Variants in SMCO2 observed in about 807,000 individuals in gnomAD.
SMCO2 encodes the protein single-pass membrane protein with coiled-coil domains 2.
Under a neutral mutation model 29.5 loss-of-function variants are expected in SMCO2, and 25 were observed. The observed-to-expected ratio is 0.85, with a 90% CI of 0.62 to 1.18. The LOEUF is 1.18. SMCO2 is among the 50% of genes most tolerant of loss of function. The pLI is 0.00. For synonymous variants in SMCO2, 117 were observed against 123.3 expected, an observed-to-expected ratio of 0.95 and a Z score of 0.34; for missense variants, 348 against 344.5, an observed-to-expected ratio of 1.01 and a Z score of -0.08.
At chr12:27,478,621 C>T (rs1949611900) in intron 4 of SMCO2, among the ~76,000 whole-genome samples, 1 of 152,022 alleles carries the variant, frequency 6.6e-6, no homozygotes, top group Non-Finnish European at 1.5e-5. Flanking sequence ...ATGGCGGCAG[C>T]TGTAGGCTGG....
the SMCO2 span, among the ~76,000 whole-genome samples, chr12:27,427,955 G>A: frequency 2.0e-5 from 3 of 152,110 alleles, no homozygotes; most frequent in African/African-American, 4.8e-5. Context: ...CTGATTGGTC[G>A]GGTTAAGGAT....
At chr12:27,488,853 G>C (rs957664650) in intron 5 of SMCO2, among the ~76,000 whole-genome samples, 5 of 152,044 alleles carry the variant, frequency 3.3e-5, no homozygotes, top group Non-Finnish European at 5.9e-5. Flanking sequence ...GCACCTAACG[G>C]TACAGAGAAT....
At chr12:27,483,157 C>T (rs541042383) in intron 4 of SMCO2, among the ~76,000 whole-genome samples, 1 of 152,142 alleles carries the variant, frequency 6.6e-6, no homozygotes, top group African/African-American at 2.4e-5. Context: ...CTACAAATAT[C>T]AATCAGGTCA....
intron 7 of SMCO2, among the ~76,000 whole-genome samples, chr12:27,496,473 A>T (rs1276552608): frequency 6.6e-6 from 1 of 150,532 alleles, no homozygotes; most frequent in Non-Finnish European, 1.5e-5. Context: ...CTCCACTCTT[A>T]TCAGTTATGT....
the SMCO2 span, among the ~76,000 whole-genome samples, chr12:27,444,840 A>G: frequency 5.9e-5 from 9 of 152,342 alleles, no homozygotes; most frequent in Admixed American, 4.6e-4. Flanking sequence ...TCCTGGGTAT[A>G]TATGTGAAAG....
At chr12:27,435,588 C>T in the SMCO2 span, among the ~76,000 whole-genome samples, 33 of 150,440 alleles carry the variant, frequency 2.2e-4, no homozygotes, top group Non-Finnish European at 2.1e-4. Context: ...CTGTCTCTCT[C>T]TCTCTTTCTC....
intron 4 of SMCO2, among the ~76,000 whole-genome samples, chr12:27,477,104 C>T (rs551747278): frequency 6.6e-6 from 1 of 150,468 alleles, no homozygotes; most frequent in African/African-American, 2.4e-5. Flanking sequence ...TTAAGCATTT[C>T]TTGTGGTGAT....
chr12:27,461,042 T>G, the SMCO2 span, among the ~76,000 whole-genome samples: 1 of 152,202 alleles, frequency 6.6e-6, no homozygotes, highest in South Asian at 2.1e-4. Flanking sequence ...TCCTCCTTTC[T>G]GAAATCCAGA....
the SMCO2 span, among the ~76,000 whole-genome samples, chr12:27,456,598 A>G: frequency 6.6e-6 from 1 of 152,194 alleles, no homozygotes; most frequent in Non-Finnish European, 1.5e-5. Flanking sequence ...TGTGGTTTTT[A>G]ACAATTATTT....
At chr12:27,491,450 T>C (rs1949734517) in intron 5 of SMCO2, among the ~76,000 whole-genome samples, 1 of 152,152 alleles carries the variant, frequency 6.6e-6, no homozygotes, top group South Asian at 2.1e-4. Context: ...ACTCTGTAAA[T>C]AAACTAGGAT....
chr12:27,473,381 TTGTC>T (rs1949557954), intron 3 of SMCO2, among the ~76,000 whole-genome samples: 1 of 152,102 alleles, frequency 6.6e-6, no homozygotes, highest in South Asian at 2.1e-4. Context: ...GGTCTTCTCT[TTGTC>T]TGTCTTCTCC....
At position 27,495,558 on chromosome 12, in the gene SMCO2, A is replaced by G. The variant is rs1006361954; in HGVS notation, c.508-122A>G. On this transcript the variant is annotated intron_variant, in intron 6 of 7. Transcript: ENST00000298876. ...TGCCAATGATCTGTTCATGGGACCT[A>G]TGTGTGATTTCTAATGTGGGCCCCC... 4 of 820,864 alleles carry G rather than the reference A, an allele frequency of 4.9e-6. 1 individual carries two copies. The highest frequency in any genetic ancestry group is 3.5e-6 in the Non-Finnish European group (2 of 566,312). The allele number at this position is 820,864 out of a possible 1,614,324, so 50.8% of individuals were successfully genotyped here. A position where few individuals can be genotyped will look rare whatever the true frequency, so the allele number is the denominator to read the frequency against.
chr12:27,494,947 T>G (rs930981643), intron 6 of SMCO2, among the ~76,000 whole-genome samples: 1 of 152,028 alleles, frequency 6.6e-6, no homozygotes, highest in African/African-American at 2.4e-5. Context: ...GGTCTACATA[T>G]TACCCATTCT....
chr12:27,492,304 AT>A (rs1005241844), intron 5 of SMCO2, among the ~76,000 whole-genome samples: 1 of 152,058 alleles, frequency 6.6e-6, no homozygotes, highest in African/African-American at 2.4e-5. Flanking sequence ...TATGAATTTT[AT>A]TTTGTTGGAT....
chr12:27,470,680 A>G, exon 2 of SMCO2: 1 of 1,551,310 alleles, frequency 6.4e-7, no homozygotes, highest in East Asian at 2.4e-5. Flanking sequence ...TCTGCAGATG[A>G]AGATGGACTG....
intron 4 of SMCO2, among the ~76,000 whole-genome samples, chr12:27,478,651 C>T (rs183950234): frequency 8.0e-4 from 121 of 152,178 alleles, no homozygotes; most frequent in African/African-American, 2.8e-3. Flanking sequence ...TCCCTAAGCC[C>T]CCAGGAAACA....
At chr12:27,500,497 T>G (rs1404844479) in intron 7 of SMCO2, among the ~76,000 whole-genome samples, 1 of 125,600 alleles carries the variant, frequency 8.0e-6, no homozygotes, top group East Asian at 3.7e-4. Context: ...CAAATTATCT[T>G]TGCTTTAGAA....
the SMCO2 span, among the ~76,000 whole-genome samples, chr12:27,437,554 A>ATTT: frequency 6.6e-6 from 1 of 152,088 alleles, no homozygotes; most frequent in East Asian, 1.9e-4. Context: ...CGTAGATTTC[A>ATTT]TTTAGTTTGA....
In SMCO2 at chr12:27,475,028, A is replaced by C. The variant is rs540244713; in HGVS notation, c.362+115A>C. Reference sequence around the variant, plus strand: ...GATTTAAAATCCATACATGTCTTGAACCATAAAGCAGTCCTGTGCATAGGT... The same window carrying C: ...GATTTAAAATCCATACATGTCTTGACCCATAAAGCAGTCCTGTGCATAGGT... On this transcript the variant is annotated intron_variant, in intron 4 of 7. Coordinates refer to ENST00000298876, the Ensembl canonical transcript of SMCO2. 1.2e-5 allele frequency: 15 copies of C among 1,295,016 alleles called. No homozygotes were observed. In the African/African-American group the frequency reaches 2.1e-4, roughly 18 times the overall value. 80.2% of individuals were successfully genotyped at this position (1,295,016 alleles called of 1,614,324 possible).
Sources: gnomAD v4.1 joint callset for allele counts (sites outside exome capture counted in the v4.1 genomes callset) on GRCh38, gnomAD v4.1.1 for gene constraint, MANE v1.5 for transcripts, NCBI Gene and HGNC (gene_info 2026-07-23, HGNC 2026-07-21) for gene names.